Variants in PCDHGB6 observed in about 807,000 individuals in gnomAD.
PCDHGB6 encodes the protein protocadherin gamma subfamily B, 6.
Under a neutral mutation model 59.1 loss-of-function variants are expected in PCDHGB6, and 51 were observed. The ratio of observed to expected loss-of-function variants is 0.86; its 90% confidence interval spans 0.69 to 1.09. The LOEUF is 1.09. PCDHGB6 is among the 50% of genes least tolerant of loss of function. The pLI, the probability that PCDHGB6 is intolerant of heterozygous loss-of-function variation, is 0.00. For synonymous variants in PCDHGB6, 466 were observed against 495.1 expected (o/e 0.94, Z 0.78); for missense variants, 1,148 against 1,205.1 (o/e 0.95, Z 0.70).
Position 141,476,116 on chromosome 5 carries a change from G to C in PCDHGB6, c.2419-18691G>C, listed in dbSNP as rs367958555. On this transcript the variant is annotated intron_variant, in intron 1 of 3. Transcript: ENST00000520790. The surrounding 1 kb of genome is among the most constrained non-coding windows in gnomAD (Gnocchi z 7.6). ...GCTGAGAGGAACTGCTTTTGAGTGA[G>C]ATGGTCCCAGAGGCCTGGAGGAGCG... 504 of 1,593,954 alleles carry C rather than the reference G, an allele frequency of 3.2e-4. No individual in the cohort carries two copies. Among genetic ancestry groups the C allele is most frequent in the Non-Finnish European group, 4.1e-4 (479 of 1,172,292 alleles).
chr5:141,478,977 T>G (rs1004184325), intron 1 of PCDHGB6, among the ~76,000 whole-genome samples: 12 of 152,210 alleles, frequency 7.9e-5, no homozygotes, highest in Admixed American at 5.2e-4. Flanking sequence ...TTCAAGTGAT[T>G]GTGACATTTG....
intron 1 of PCDHGB6, among the ~76,000 whole-genome samples, chr5:141,456,679 T>C (rs1357662868): frequency 2.0e-5 from 3 of 152,104 alleles, no homozygotes; most frequent in Non-Finnish European, 2.9e-5. Flanking sequence ...AAAAATGCAT[T>C]ACTGGCCAGG....
At chr5:141,462,043 G>C (rs1310987622) in intron 1 of PCDHGB6, among the ~76,000 whole-genome samples, 1 of 152,100 alleles carries the variant, frequency 6.6e-6, no homozygotes, top group Non-Finnish European at 1.5e-5. Flanking sequence ...GGCGGGTCTT[G>C]AACTCCCGAC....
intron 1 of PCDHGB6, chr5:141,426,664 A>G (rs886265350): frequency 2.3e-6 from 1 of 429,248 alleles, no homozygotes; most frequent in Admixed American, 2.5e-5. Flanking sequence ...GATATAAATG[A>G]TAACCCACCT....
intron 1 of PCDHGB6, among the ~76,000 whole-genome samples, chr5:141,457,537 T>C (rs967428207): frequency 6.6e-6 from 1 of 152,228 alleles, no homozygotes; most frequent in Non-Finnish European, 1.5e-5. Context: ...TAGGGTTTAA[T>C]GACAAATGTA....
chr5:141,449,943 C>G (rs1561937416), intron 1 of PCDHGB6, among the ~76,000 whole-genome samples: 1 of 151,186 alleles, frequency 6.6e-6, no homozygotes, highest in African/African-American at 2.4e-5. Flanking sequence ...GTATATTTTA[C>G]TATACCTCAT....
intron 1 of PCDHGB6, chr5:141,421,118 T>A (rs572827470): frequency 1.3e-6 from 1 of 771,946 alleles, no homozygotes; most frequent in South Asian, 1.9e-5. Flanking sequence ...GTATTTTCCT[T>A]CGCTTTCTGA....
In PCDHGB6 at chr5:141,512,264, C is replaced by G. The variant is rs1453959730; in HGVS notation, c.*1091C>G. 6.5e-6 allele frequency: 1 copy of G among 152,684 alleles called. No homozygotes were observed. The highest frequency in any genetic ancestry group is 1.5e-5 in the Non-Finnish European group (1 of 68,096). 9.5% of individuals were successfully genotyped at this position (152,684 alleles called of 1,614,324 possible). ...GGGGCCTCTGTGGGTGCTGGGTACTCCAGAGGTGCCACTGGTGGAAGGGTC... is the reference window on the plus strand; with the variant it reads ...GGGGCCTCTGTGGGTGCTGGGTACTGCAGAGGTGCCACTGGTGGAAGGGTC... On this transcript the variant is annotated 3_prime_UTR_variant, in exon 4 of 4. Transcript: ENST00000520790.
chr5:141,444,043 T>C (rs542828018), intron 1 of PCDHGB6, among the ~76,000 whole-genome samples: 1 of 151,820 alleles, frequency 6.6e-6, no homozygotes, highest in African/African-American at 2.4e-5. Context: ...AATCAGATAA[T>C]TTGGCATCTT....
intron 1 of PCDHGB6, chr5:141,414,488 C>T (rs755499269): frequency 2.5e-6 from 4 of 1,613,914 alleles, no homozygotes; most frequent in African/African-American, 2.7e-5. Flanking sequence ...CCTCTATCAA[C>T]GGAAGCTCAC....
At chr5:141,458,774 A>G (rs2154566349) in intron 1 of PCDHGB6, among the ~76,000 whole-genome samples, 1 of 151,812 alleles carries the variant, frequency 6.6e-6, no homozygotes, top group Admixed American at 6.6e-5. Flanking sequence ...GCTGTGTCAC[A>G]CAGGCTGGAG....
At chr5:141,479,200 AAAGT>A (rs1430087636) in intron 1 of PCDHGB6, 5 of 152,466 alleles carry the variant, frequency 3.3e-5, no homozygotes, top group African/African-American at 1.2e-4. Flanking sequence ...AAAATACAGA[AAAGT>A]ATTTAAAAAA....
chr5:141,454,580 ATT>A (rs1392342692), intron 1 of PCDHGB6, among the ~76,000 whole-genome samples: 2 of 151,234 alleles, frequency 1.3e-5, no homozygotes, highest in Non-Finnish European at 2.9e-5. Context: ...CTAATTTTGT[ATT>A]TTTAGTAGAG....
At position 141,480,524 on chromosome 5, in the gene PCDHGB6, AAAG is replaced by A. The variant is rs1342230573; in HGVS notation, c.2419-14282_2419-14280del. Among the ~76,000 whole-genome samples, 4 of 127,792 alleles carry A rather than the reference AAAG, an allele frequency of 3.1e-5. No homozygotes were observed. The East Asian group carries it at 7.7e-4, about 25-fold the overall frequency. 83.8% of individuals were successfully genotyped at this position (127,792 alleles called of 152,430 possible). On this transcript the variant is annotated intron_variant, in intron 1 of 3. Transcript: ENST00000520790. Reference sequence around the variant, plus strand: ...ACATATGAGAACAACCAAAAATGACAAAGTAGAAGCACATATGAAAAGGCTAAG... The same window carrying A: ...ACATATGAGAACAACCAAAAATGACATAGAAGCACATATGAAAAGGCTAAG...
rs767497197 is a variant in PCDHGB6, at chr5:141,486,350, T to C, written c.2419-8457T>C. The C allele has an allele frequency of 6.2e-7, 1 of 1,614,128 alleles. No homozygotes were observed. Among genetic ancestry groups the C allele is most frequent in the South Asian group, 1.1e-5 (1 of 91,074 alleles). On this transcript the variant is annotated intron_variant, in intron 1 of 3. Transcript: ENST00000520790. The surrounding 1 kb of genome is among the most constrained non-coding windows in gnomAD (Gnocchi z 5.0). ...TGTGAGCCTCCGCATTCCTGACCAC[T>C]TGCCATTTGCCCTCAAGTCTGCCTT...
rs2099610288 is a variant in PCDHGB6, at chr5:141,485,252, G to A, written c.2419-9555G>A. ...GTTCCTCTTTTACCACCTGGGTTAC[G>A]TTTGTGGGCAGATCCGCTACCCGGT... On this transcript the variant is annotated intron_variant, in intron 1 of 3. Coordinates refer to ENST00000520790, the MANE Select transcript of PCDHGB6 (RefSeq NM_018926.3). This position sits in a 1 kb window ranked among gnomAD's most constrained non-coding sequence, Gnocchi z 5.7. 6.2e-7 allele frequency: 1 copy of A among 1,614,042 alleles called. No individual in the cohort carries two copies. The highest frequency in any genetic ancestry group is 1.7e-5 in the Admixed American group (1 of 60,008).
chr5:141,481,658 T>C (rs910422064), intron 1 of PCDHGB6, among the ~76,000 whole-genome samples: 2 of 150,554 alleles, frequency 1.3e-5, no homozygotes, highest in East Asian at 2.0e-4. Context: ...TCTCTACTAA[T>C]AATACAAAAA....
intron 1 of PCDHGB6, among the ~76,000 whole-genome samples, chr5:141,465,335 T>C (rs1222292569): frequency 6.6e-6 from 1 of 152,186 alleles, no homozygotes; most frequent in African/African-American, 2.4e-5. Context: ...ATTTTTTATA[T>C]TGGTTACTGA....
rs1562144438 is a variant in PCDHGB6, at chr5:141,491,135, G to T, written c.2419-3672G>T. The T allele has an allele frequency of 6.2e-7, 1 of 1,613,986 alleles. No individual in the cohort carries two copies. Among genetic ancestry groups the T allele is most frequent in the Non-Finnish European group, 8.5e-7 (1 of 1,180,000 alleles). On this transcript the variant is annotated intron_variant, in intron 1 of 3. Transcript: ENST00000520790. This position sits in a 1 kb window ranked among gnomAD's most constrained non-coding sequence, Gnocchi z 6.9. ...CACACTGGTGAGGTGCGCACAGCCC[G>T]GGCCTTACTGGAGGATGACTCTGAC...
Sources: gnomAD v4.1 joint callset for allele counts (sites outside exome capture counted in the v4.1 genomes callset) on GRCh38, gnomAD v4.1.1 for gene constraint, Gnocchi (gnomAD v3.1) non-coding constraint, MANE v1.5 for transcripts, NCBI Gene and HGNC (gene_info 2026-07-23, HGNC 2026-07-21) for gene names.